The following SLC71A2 variants were observed in gnomAD, a reference collection of about 807,000 sequenced individuals.
The protein encoded by SLC71A2 is solute carrier family 71 member 2.
chr9:94,450,161 A>G, the SLC71A2 span, among the ~76,000 whole-genome samples: 1 of 152,070 alleles, frequency 6.6e-6, no homozygotes, highest in Non-Finnish European at 1.5e-5. Flanking sequence ...ATATACTAAA[A>G]CCATTGACCT....
At chr9:94,459,568 TC>T in the SLC71A2 span, 2 of 534,578 alleles carry the variant, frequency 3.7e-6, no homozygotes, top group Non-Finnish European at 5.7e-6. Flanking sequence ...CTCATCCTCC[TC>T]CTGTTTTTTT....
the SLC71A2 span, among the ~76,000 whole-genome samples, chr9:94,382,048 CAG>C: frequency 2.0e-5 from 3 of 151,664 alleles, no homozygotes; most frequent in African/African-American, 7.3e-5. Flanking sequence ...CCTCCTCCGG[CAG>C]AGTCTCACTT....
chr9:94,384,681 A>G, the SLC71A2 span, among the ~76,000 whole-genome samples: 1 of 151,892 alleles, frequency 6.6e-6, no homozygotes, highest in African/African-American at 2.4e-5. Flanking sequence ...GTTTTGTTTT[A>G]TTGTTGAGTT....
the SLC71A2 span, among the ~76,000 whole-genome samples, chr9:94,437,290 G>C: frequency 7.1e-6 from 1 of 140,778 alleles, no homozygotes; most frequent in Non-Finnish European, 1.5e-5. Flanking sequence ...ATGAATACCT[G>C]TGTACTCATC....
chr9:94,397,910 A>G, the SLC71A2 span, among the ~76,000 whole-genome samples: 8 of 152,326 alleles, frequency 5.3e-5, no homozygotes, highest in African/African-American at 1.9e-4. Context: ...AGATTTCTCC[A>G]CTGTAAAGTT....
chr9:94,392,506 A>AT, the SLC71A2 span, among the ~76,000 whole-genome samples: 1,838 of 147,376 alleles, frequency 0.012, 32 homozygotes, highest in African/African-American at 0.039. Context: ...ATTTAAAAGC[A>AT]TTTTTTTTTT....
the SLC71A2 span, among the ~76,000 whole-genome samples, chr9:94,399,827 T>A: frequency 3.3e-5 from 5 of 149,746 alleles, no homozygotes; most frequent in Non-Finnish European, 5.9e-5. Context: ...TTTTTTGAGA[T>A]GGAGTTTCGC....
chr9:94,439,525 T>G, the SLC71A2 span, among the ~76,000 whole-genome samples: 1 of 145,952 alleles, frequency 6.9e-6, no homozygotes, highest in East Asian at 2.0e-4. Context: ...TGTTTTGGTT[T>G]TTAATCCTAT....
chr9:94,402,609 A>G, the SLC71A2 span, among the ~76,000 whole-genome samples: 5 of 152,176 alleles, frequency 3.3e-5, no homozygotes, highest in Non-Finnish European at 4.4e-5. Context: ...TCTTTATCAG[A>G]TAAGATTGTT....
chr9:94,409,435 C>G, the SLC71A2 span, among the ~76,000 whole-genome samples: 1 of 151,522 alleles, frequency 6.6e-6, no homozygotes, highest in Non-Finnish European at 1.5e-5. Flanking sequence ...TAGGCTCACA[C>G]TGCACCCGGC....
chr9:94,389,449 T>C, the SLC71A2 span, among the ~76,000 whole-genome samples: 2 of 151,392 alleles, frequency 1.3e-5, no homozygotes, highest in African/African-American at 4.9e-5. Context: ...TATATATATA[T>C]ATTTTTTTCA....
At chr9:94,384,451 C>T in the SLC71A2 span, among the ~76,000 whole-genome samples, 1 of 151,874 alleles carries the variant, frequency 6.6e-6, no homozygotes, top group Admixed American at 6.6e-5. Flanking sequence ...GCGATCCTCC[C>T]ACCTCAGCCT....
the SLC71A2 span, among the ~76,000 whole-genome samples, chr9:94,396,976 G>A: frequency 6.6e-6 from 1 of 152,066 alleles, no homozygotes; most frequent in East Asian, 1.9e-4. Context: ...CTCCATGTTG[G>A]TCAGGCTGGT....
the SLC71A2 span, among the ~76,000 whole-genome samples, chr9:94,410,025 C>T: frequency 2.6e-3 from 390 of 148,354 alleles, no homozygotes; most frequent in Admixed American, 6.1e-3. Context: ...AAGTCTCCAG[C>T]TATTGTTGAT....
the SLC71A2 span, chr9:94,460,931 CTT>C: frequency 6.6e-6 from 1 of 151,434 alleles, no homozygotes; most frequent in African/African-American, 2.4e-5. Context: ...TGTCTTGTGT[CTT>C]TTTTTTAAAG....
chr9:94,451,248 T>C, the SLC71A2 span, among the ~76,000 whole-genome samples: 2 of 152,194 alleles, frequency 1.3e-5, no homozygotes, highest in Admixed American at 6.5e-5. Context: ...TATAAAACAT[T>C]TCACAATTTA....
At chr9:94,432,166 G>C in the SLC71A2 span, among the ~76,000 whole-genome samples, 1 of 151,734 alleles carries the variant, frequency 6.6e-6, no homozygotes, top group South Asian at 2.1e-4. Flanking sequence ...AGCTTCTGGG[G>C]ATTGGTCTAC....
At chr9:94,406,976 T>C in the SLC71A2 span, among the ~76,000 whole-genome samples, 4 of 152,234 alleles carry the variant, frequency 2.6e-5, no homozygotes, top group Admixed American at 1.3e-4. Context: ...TGCATCTTTG[T>C]CTTGTTTCTG....
the SLC71A2 span, among the ~76,000 whole-genome samples, chr9:94,383,180 T>TTTTTG: frequency 6.8e-6 from 1 of 147,858 alleles, no homozygotes. Context: ...TTTTTTTTTT[T>TTTTTG]GAGATGGCGT....
Sources: gnomAD v4.1 joint callset for allele counts (sites outside exome capture counted in the v4.1 genomes callset) on GRCh38, gnomAD v4.1.1 for gene constraint, MANE v1.5 for transcripts, NCBI Gene and HGNC (gene_info 2026-07-23, HGNC 2026-07-21) for gene names.